Variants in CPQ observed in about 807,000 individuals in gnomAD.
The protein encoded by CPQ is Ser-Met dipeptidase.
A neutral mutation model predicts 45.7 loss-of-function variants in CPQ; 37 were observed. The observed-to-expected ratio is 0.81, with a 90% CI of 0.62 to 1.07. CPQ has a LOEUF of 1.07. Among genes scored for constraint, CPQ ranks in the 50% least tolerant of loss-of-function variants. The pLI is 0.00. For missense variants in CPQ, 537 were observed against 572.9 expected, an observed-to-expected ratio of 0.94 and a Z score of 0.64; for synonymous variants, 186 against 205.8, an observed-to-expected ratio of 0.90 and a Z score of 0.82.
intron 2 of CPQ, among the ~76,000 whole-genome samples, chr8:96,801,100 C>A (rs1259060579): frequency 6.6e-6 from 1 of 151,794 alleles, no homozygotes; most frequent in African/African-American, 2.4e-5. Context: ...CTCAGCCTCC[C>A]GAGTAGCTGG....
intron 1 of CPQ, among the ~76,000 whole-genome samples, chr8:96,696,741 T>C (rs1809390021): frequency 6.6e-6 from 1 of 151,876 alleles, no homozygotes; most frequent in African/African-American, 2.4e-5. Flanking sequence ...GATGAGCAAA[T>C]ATGTGCCAAT....
At chr8:97,077,722 T>G (rs1400695387) in intron 7 of CPQ, among the ~76,000 whole-genome samples, 1 of 152,234 alleles carries the variant, frequency 6.6e-6, no homozygotes, top group Non-Finnish European at 1.5e-5. Flanking sequence ...TTGTAGAATT[T>G]TTTTAAATTG....
At chr8:97,004,499 G>A (rs2130429670) in intron 5 of CPQ, among the ~76,000 whole-genome samples, 1 of 152,080 alleles carries the variant, frequency 6.6e-6, no homozygotes, top group Admixed American at 6.5e-5. Flanking sequence ...TGGCAATACT[G>A]TATACATCAA....
intron 7 of CPQ, among the ~76,000 whole-genome samples, chr8:97,129,704 G>T (rs1215804334): frequency 1.2e-4 from 19 of 152,088 alleles, no homozygotes; most frequent in Admixed American, 1.2e-3. Context: ...GGAAAATGAG[G>T]CTTTTTTCTT....
At chr8:96,891,713 A>G (rs141535324) in intron 4 of CPQ, among the ~76,000 whole-genome samples, 111 of 152,324 alleles carry the variant, frequency 7.3e-4, no homozygotes, top group Non-Finnish European at 1.2e-3. Context: ...GTATATACAT[A>G]TTATCCCATT....
intron 1 of CPQ, among the ~76,000 whole-genome samples, chr8:96,775,166 G>A (rs1423589804): frequency 6.6e-6 from 1 of 152,022 alleles, no homozygotes; most frequent in African/African-American, 2.4e-5. Flanking sequence ...TGGAAGAGCG[G>A]GAAGAAAATT....
At chr8:96,775,884 C>G (rs911095663) in intron 1 of CPQ, among the ~76,000 whole-genome samples, 2 of 152,124 alleles carry the variant, frequency 1.3e-5, no homozygotes, top group African/African-American at 4.8e-5. Flanking sequence ...GCAGCATCAT[C>G]CATATTAAAA....
Position 96,784,887 on chromosome 8 carries a change from T to G in CPQ, c.-11T>G. 1.9e-6 allele frequency: 3 copies of G among 1,587,052 alleles called. No homozygotes were observed. The highest frequency in any genetic ancestry group is 1.1e-5 in the South Asian group (1 of 87,558). ...AGATTATCTTAACAAGAAAACCAAC[T>G]GGAAAAAAAAATGAAATTCCTTATC... On this transcript the variant is annotated 5_prime_UTR_variant, in exon 2 of 8. Transcript: ENST00000220763.
In CPQ at chr8:96,707,692, AT is replaced by A. The variant is rs749662075; in HGVS notation, c.-35+62301del. On this transcript the variant is annotated intron_variant, in intron 1 of 7. Transcript: ENST00000220763. ...GAATGAATGAATGAATGAATGAATG[AT>A]TTTTTTTTTTGGCTTAGGACAACAC... Among the ~76,000 whole-genome samples the A allele has an allele frequency of 8.7e-3, 1,227 of 140,522 alleles. 10 individuals are homozygous for A. Among genetic ancestry groups the A allele is most frequent in the African/African-American group, 0.024 (810 of 34,174 alleles). 92.2% of individuals were successfully genotyped at this position (140,522 alleles called of 152,430 possible). A position where few individuals can be genotyped will look rare whatever the true frequency, so the allele number is the denominator to read the frequency against.
chr8:96,813,390 T>C (rs1052366622), intron 2 of CPQ, among the ~76,000 whole-genome samples: 2 of 152,112 alleles, frequency 1.3e-5, no homozygotes, highest in African/African-American at 4.8e-5. Context: ...CTTTCTAAGG[T>C]ACCTTTCCAA....
chr8:96,958,092 TGACTTCCCAAAGTGCTCA>T (rs1307625691), intron 4 of CPQ, among the ~76,000 whole-genome samples: 1 of 152,018 alleles, frequency 6.6e-6, no homozygotes, highest in Non-Finnish European at 1.5e-5. Context: ...CCTCCCTCCT[TGACTTCCCAAAGTGCTCA>T]GATTACATGT....
intron 2 of CPQ, among the ~76,000 whole-genome samples, chr8:96,796,467 T>C (rs888603148): frequency 4.6e-5 from 7 of 152,210 alleles, no homozygotes; most frequent in South Asian, 2.1e-4. Context: ...ATGGTTTGCA[T>C]TGATATATCA....
At chr8:97,040,131 C>A (rs1249036555) in intron 6 of CPQ, among the ~76,000 whole-genome samples, 1 of 148,980 alleles carries the variant, frequency 6.7e-6, no homozygotes, top group Non-Finnish European at 1.5e-5. Context: ...TCTCCACATC[C>A]TCTCCAGCAC....
chr8:96,660,780 C>T (rs891065703), intron 1 of CPQ, among the ~76,000 whole-genome samples: 2 of 152,072 alleles, frequency 1.3e-5, no homozygotes, highest in African/African-American at 4.8e-5. Flanking sequence ...AAATTCTCTT[C>T]CTACCATACC....
intron 6 of CPQ, among the ~76,000 whole-genome samples, chr8:97,052,234 C>G (rs1234285867): frequency 6.6e-6 from 1 of 152,102 alleles, no homozygotes; most frequent in Admixed American, 6.6e-5. Flanking sequence ...AATACAGGTA[C>G]CTATTTGGAT....
At chr8:96,671,939 A>C (rs1452186144) in intron 1 of CPQ, among the ~76,000 whole-genome samples, 1 of 152,136 alleles carries the variant, frequency 6.6e-6, no homozygotes, top group African/African-American at 2.4e-5. Flanking sequence ...TATGATTTTT[A>C]GGGGCCTGGC....
At chr8:96,936,891 AG>A (rs1813058617) in intron 4 of CPQ, among the ~76,000 whole-genome samples, 2 of 152,144 alleles carry the variant, frequency 1.3e-5, no homozygotes, top group African/African-American at 4.8e-5. Flanking sequence ...AAAAGTCATT[AG>A]AGGAGATAAA....
intron 1 of CPQ, among the ~76,000 whole-genome samples, chr8:96,682,636 T>A (rs2514773): frequency 0.71 from 107,300 of 152,008 alleles, 38,302 homozygotes; most frequent in Middle Eastern, 0.82. Context: ...TGTTGGGTGC[T>A]TGTATGTTTG....
intron 2 of CPQ, among the ~76,000 whole-genome samples, chr8:96,814,150 A>T (rs961775374): frequency 6.6e-6 from 1 of 152,140 alleles, no homozygotes; most frequent in South Asian, 2.1e-4. Context: ...GATATAAACA[A>T]TAAATACAAT....
Sources: allele counts gnomAD v4.1 joint callset (sites outside exome capture counted in the v4.1 genomes callset), GRCh38; gene constraint gnomAD v4.1.1; transcripts MANE v1.5; gene names NCBI Gene and HGNC (gene_info 2026-07-23, HGNC 2026-07-21).